The following NIBAN2 variants were observed in gnomAD, a reference collection of about 807,000 sequenced individuals.
NIBAN2 encodes the protein niban apoptosis regulator 2.
A neutral mutation model predicts 81.8 loss-of-function variants in NIBAN2; 36 were observed. The ratio of observed to expected loss-of-function variants is 0.44; its 90% confidence interval spans 0.34 to 0.58. The LOEUF (loss-of-function observed/expected upper bound fraction) is 0.58. NIBAN2 is among the 20% of genes least tolerant of loss of function. NIBAN2 has a pLI of 0.02. For missense variants in NIBAN2, 897 were observed against 1,014.1 expected (o/e 0.88, Z 1.57); for synonymous variants, 445 against 441.6 (o/e 1.01, Z -0.10).
At chr9:127,555,304 C>G (rs1216092873) in intron 1 of NIBAN2, among the ~76,000 whole-genome samples, 1 of 152,092 alleles carries the variant, frequency 6.6e-6, no homozygotes, top group Non-Finnish European at 1.5e-5. Flanking sequence ...GGAAGGGGGA[C>G]GACCACCCTT....
At chr9:127,550,275 G>A (rs1453343341) in intron 1 of NIBAN2, among the ~76,000 whole-genome samples, 1 of 152,130 alleles carries the variant, frequency 6.6e-6, no homozygotes, top group Non-Finnish European at 1.5e-5. Context: ...ATGAGACAAC[G>A]CTCCTTCCTG....
At chr9:127,540,748 C>T (rs1018769770) in intron 1 of NIBAN2, among the ~76,000 whole-genome samples, 5 of 152,260 alleles carry the variant, frequency 3.3e-5, no homozygotes, top group African/African-American at 1.2e-4. Context: ...CCACATCCAG[C>T]TCATGTCCAC....
chr9:127,526,919 T>G, intron 3 of NIBAN2, among the ~76,000 whole-genome samples: 1 of 147,126 alleles, frequency 6.8e-6, no homozygotes, highest in African/African-American at 2.5e-5. Context: ...TGAAGAGAGA[T>G]TAGGAGGGAT....
intron 1 of NIBAN2, among the ~76,000 whole-genome samples, chr9:127,575,319 C>T (rs1276897202): frequency 1.3e-5 from 2 of 151,700 alleles, no homozygotes; most frequent in East Asian, 1.9e-4. Flanking sequence ...AACTCAGCCT[C>T]CTGGGTTCAA....
Position 127,562,414 on chromosome 9 carries a change from C to T in NIBAN2, c.55+6406G>A, listed in dbSNP as rs555588766. Among the ~76,000 whole-genome samples, 9 of 152,312 alleles carry T rather than the reference C, an allele frequency of 5.9e-5. No individual in the cohort carries two copies. In the South Asian group the frequency reaches 1.4e-3, roughly 25 times the overall value. On this transcript the variant is annotated intron_variant, in intron 1 of 13. Transcript: ENST00000373312. ...GCACATAGCAAGTGCTCAGTTAAAC[C>T]GTTGCTAATGTTTACAGTTATCACT... is the stretch of plus-strand genomic sequence containing the variant.
intron 1 of NIBAN2, among the ~76,000 whole-genome samples, chr9:127,532,321 AG>A (rs1259631012): frequency 6.6e-6 from 1 of 152,168 alleles, no homozygotes; most frequent in African/African-American, 2.4e-5. Context: ...AAAAAGATGG[AG>A]GGGGGCCAGG....
intron 1 of NIBAN2, among the ~76,000 whole-genome samples, chr9:127,552,388 C>T (rs977206796): frequency 6.6e-6 from 1 of 150,524 alleles, no homozygotes; most frequent in African/African-American, 2.5e-5. Flanking sequence ...GTCTGGATGA[C>T]AAAGTGAGAA....
chr9:127,555,062 A>G (rs537059919), intron 1 of NIBAN2, among the ~76,000 whole-genome samples: 24 of 152,362 alleles, frequency 1.6e-4, no homozygotes, highest in African/African-American at 4.3e-4. Flanking sequence ...TTCTATGCCT[A>G]TACAAACATA....
At position 127,507,837 on chromosome 9, in the gene NIBAN2, C is replaced by G; in HGVS notation, c.1654+30G>C. 6.2e-7 allele frequency: 1 copy of G among 1,600,138 alleles called. No individual in the cohort carries two copies. Reference sequence around the variant, plus strand: ...AGCTGCGCCCCCAGCATCCTCCTGGCAACAGTCCCCACCCCGGGACGGCAC... The same window carrying G: ...AGCTGCGCCCCCAGCATCCTCCTGGGAACAGTCCCCACCCCGGGACGGCAC... On this transcript the variant is annotated intron_variant, in intron 13 of 13. Transcript: ENST00000373312. The surrounding 1 kb of genome is among the most constrained non-coding windows in gnomAD (Gnocchi z 6.8).
upstream of NIBAN2, among the ~76,000 whole-genome samples, chr9:127,570,337 T>C (rs951136289): frequency 6.6e-6 from 1 of 152,146 alleles, no homozygotes; most frequent in African/African-American, 2.4e-5. Flanking sequence ...CATTCAGCAA[T>C]GGGTGGTCAA....
At chr9:127,527,086 G>T in intron 3 of NIBAN2, 108 bp downstream of exon 3, 2 of 1,403,982 alleles carry the variant, frequency 1.4e-6, no homozygotes, top group Non-Finnish European at 2.0e-6. Context: ...TGGTGACCGC[G>T]TGCAGGCTGT....
At chr9:127,552,421 TA>T (rs1455748283) in intron 1 of NIBAN2, among the ~76,000 whole-genome samples, 15 of 151,878 alleles carry the variant, frequency 9.9e-5, no homozygotes, top group Non-Finnish European at 1.9e-4. Context: ...AAAATTTTTT[TA>T]AAAAATTAGC....
rs1400278121 is a variant in NIBAN2 at position 127,545,160 on chromosome 9, C to G, written c.56-13382G>C. Among the ~76,000 whole-genome samples, 1 of 152,174 alleles carries G rather than the reference C, an allele frequency of 6.6e-6. No individual in the cohort carries two copies. Among genetic ancestry groups the G allele is most frequent in the African/African-American group, 2.4e-5 (1 of 41,444 alleles). ...GCCTTGGGGTCCCACGTCTACAGTG[C>G]CCTCCTAGCGTCCACCCCTTGTGCC... On this transcript the variant is annotated intron_variant, in intron 1 of 13. Transcript: ENST00000373312. The surrounding 1 kb of genome is among the most constrained non-coding windows in gnomAD (Gnocchi z 4.7).
chr9:127,546,334 A>G (rs1837471030), intron 1 of NIBAN2, among the ~76,000 whole-genome samples: 2 of 151,972 alleles, frequency 1.3e-5, no homozygotes, highest in Non-Finnish European at 2.9e-5. Context: ...TGCTCCTCAT[A>G]CCCCTTCTCT....
At chr9:127,519,154 AAC>A (rs1457071233) in intron 5 of NIBAN2, among the ~76,000 whole-genome samples, 4 of 146,058 alleles carry the variant, frequency 2.7e-5, no homozygotes, top group Non-Finnish European at 6.0e-5. Flanking sequence ...TAGCCTGGGC[AAC>A]AGAGTAAGAC....
chr9:127,555,254 G>A lies in NIBAN2; in HGVS notation c.55+13566C>T, dbSNP rs113641656. ...GGGGTGGGTTTCTCCCAGGGCTTTG[G>A]GCCACCTTTCTGCTGTCCTGTGTAT... On this transcript the variant is annotated intron_variant, in intron 1 of 13. Coordinates refer to ENST00000373312, the MANE Select transcript of NIBAN2 (RefSeq NM_022833.4). 1.5e-4 allele frequency among the ~76,000 whole-genome samples: 23 copies of A among 152,176 alleles called. 1 individual carries two copies. The highest frequency in any genetic ancestry group is 5.5e-4 in the African/African-American group (23 of 41,528).
chr9:127,575,277 G>A (rs1364675574), intron 1 of NIBAN2, among the ~76,000 whole-genome samples: 2 of 150,704 alleles, frequency 1.3e-5, no homozygotes, highest in Non-Finnish European at 2.9e-5. Context: ...CACCCAGGCT[G>A]GAGTGCAGTG....
intron 8 of NIBAN2, among the ~76,000 whole-genome samples, chr9:127,516,386 T>C (rs528020298): frequency 2.3e-4 from 35 of 151,786 alleles, no homozygotes; most frequent in African/African-American, 7.7e-4. Context: ...CACTACTAAA[T>C]ACACAAAAGT....
In NIBAN2 at chr9:127,508,470, C is replaced by T. The variant is rs1417426583; in HGVS notation, c.1386G>A (p.Lys462=). Residue 462 remains lysine (K), a synonymous_variant, in exon 11 of 14, where the codon AAG becomes AAA. Coordinates refer to ENST00000373312, the MANE Select transcript of NIBAN2 (RefSeq NM_022833.4). This position sits in a 1 kb window ranked among gnomAD's most constrained non-coding sequence, Gnocchi z 6.4. ...GCTGGATGGACTTGCACAGCTCCTC[C>T]TTGGTGGGCCCCTTCCCCAGCTCCT... ...LHQELGKGPT[K]EELCKSIQRV... 6.2e-7 allele frequency: 1 copy of T among 1,613,694 alleles called. No individual in the cohort carries two copies. Among genetic ancestry groups the T allele is most frequent in the African/African-American group, 1.3e-5 (1 of 74,914 alleles).
Sources: allele counts gnomAD v4.1 joint callset (sites outside exome capture counted in the v4.1 genomes callset), GRCh38; gene constraint gnomAD v4.1.1; non-coding constraint Gnocchi (gnomAD v3.1); transcripts MANE v1.5; gene names NCBI Gene and HGNC (gene_info 2026-07-23, HGNC 2026-07-21).